CDH12: variants seen among roughly 807,000 people sequenced by gnomAD.
CDH12 encodes cadherin 12, also known as cadherin-12.
In CDH12, 41 loss-of-function variants were observed where a neutral mutation model predicts 74.1. That is an observed-to-expected ratio of 0.55 (90% CI 0.43 to 0.72). CDH12 has a LOEUF of 0.72. CDH12 is among the 30% of genes least tolerant of loss of function. The pLI, the probability that CDH12 is intolerant of heterozygous loss-of-function variation, is 0.00. For missense variants in CDH12, 945 were observed against 977.2 expected (o/e 0.97, Z 0.44); for synonymous variants, 399 against 355.0 (o/e 1.12, Z -1.39).
chr5:22,718,589 G>T (rs1743709325), intron 1 of CDH12, among the ~76,000 whole-genome samples: 1 of 152,118 alleles, frequency 6.6e-6, no homozygotes, highest in Non-Finnish European at 1.5e-5. Context: ...TTTGCCCAGG[G>T]ACATTGCCCA....
Position 22,408,126 on chromosome 5 carries a change from G to A in CDH12, c.-427-2775C>T, listed in dbSNP as rs1743015304. ...CATCAACAGTCATATGGACTAGGTGGACTATCTTTAACAATGAAGCACATT... is the reference window on the plus strand; with the variant it reads ...CATCAACAGTCATATGGACTAGGTGAACTATCTTTAACAATGAAGCACATT... On this transcript the variant is annotated intron_variant, in intron 2 of 14. Coordinates refer to ENST00000382254, the MANE Select transcript of CDH12 (RefSeq NM_004061.5). Among the ~76,000 whole-genome samples, 3 of 151,986 alleles carry A rather than the reference G, an allele frequency of 2.0e-5. No individual in the cohort carries two copies. The South Asian group carries it at 6.2e-4, about 31-fold the overall frequency.
chr5:22,414,670 T>C (rs1743306189), intron 2 of CDH12, among the ~76,000 whole-genome samples: 1 of 151,860 alleles, frequency 6.6e-6, no homozygotes, highest in Non-Finnish European at 1.5e-5. Context: ...GGTAATTTTA[T>C]TGAATTACTG....
chr5:21,879,841 G>C (rs553644735), intron 6 of CDH12, among the ~76,000 whole-genome samples: 1 of 152,304 alleles, frequency 6.6e-6, no homozygotes, highest in East Asian at 1.9e-4. Flanking sequence ...TCGACAGCAA[G>C]AACAAATTCT....
At chr5:21,977,756 G>T (rs1449609429) in intron 5 of CDH12, among the ~76,000 whole-genome samples, 1 of 151,998 alleles carries the variant, frequency 6.6e-6, no homozygotes, top group African/African-American at 2.4e-5. Context: ...ATTTAAAGAT[G>T]GGCTTTGCAG....
chr5:22,595,678 G>T (rs1363612946), intron 1 of CDH12, among the ~76,000 whole-genome samples: 6 of 152,116 alleles, frequency 3.9e-5, no homozygotes, highest in Admixed American at 3.9e-4. Context: ...TGTAGTTATT[G>T]TAACAGTAGT....
chr5:22,215,143 T>G (rs1447838424), intron 3 of CDH12, among the ~76,000 whole-genome samples: 6 of 152,190 alleles, frequency 3.9e-5, no homozygotes. Flanking sequence ...TATTTTATTT[T>G]TTAATTAATT....
intron 1 of CDH12, among the ~76,000 whole-genome samples, chr5:22,700,032 G>A (rs1197066569): frequency 6.6e-6 from 1 of 152,008 alleles, no homozygotes; most frequent in Admixed American, 6.6e-5. Flanking sequence ...TGCATATGTT[G>A]GCGCATGCCT....
At position 21,833,829 on chromosome 5, in the gene CDH12, A is replaced by T. The variant is rs560941696; in HGVS notation, c.814+8332T>A. Reference sequence around the variant, plus strand: ...CCCTCACTGGGGATATGGGATCCCAAGGGATTCTTCAGGCAAATATAATTT... The same window carrying T: ...CCCTCACTGGGGATATGGGATCCCATGGGATTCTTCAGGCAAATATAATTT... On this transcript the variant is annotated intron_variant, in intron 8 of 14. Transcript: ENST00000382254. 1.7e-3 allele frequency among the ~76,000 whole-genome samples: 255 copies of T among 151,916 alleles called. 2 individuals are homozygous for T. The highest frequency in any genetic ancestry group is 5.6e-3 in the African/African-American group (234 of 41,500).
At chr5:22,256,676 G>A (rs1384101483) in intron 3 of CDH12, among the ~76,000 whole-genome samples, 1 of 152,108 alleles carries the variant, frequency 6.6e-6, no homozygotes, top group African/African-American at 2.4e-5. Context: ...ACCTTCCAGT[G>A]GGACAAGATT....
rs191980763 is a variant in CDH12 at position 21,964,502 on chromosome 5, C to T, written c.526+10589G>A. On this transcript the variant is annotated intron_variant, in intron 6 of 14. Coordinates refer to ENST00000382254, the MANE Select transcript of CDH12 (RefSeq NM_004061.5). The stretch of plus-strand genomic sequence containing the variant: ...CTCAGGAAAAACAAATACATGGACC[C>T]ATAAAATAATCTTTGGAAGTCTTTC... Among the ~76,000 whole-genome samples the T allele has an allele frequency of 7.9e-3, 1,198 of 152,022 alleles. 10 individuals carry two copies. The highest frequency in any genetic ancestry group is 0.027 in the African/African-American group (1,118 of 41,500).
At chr5:22,777,674 T>G (rs1747171922) in intron 1 of CDH12, among the ~76,000 whole-genome samples, 1 of 152,042 alleles carries the variant, frequency 6.6e-6, no homozygotes, top group Non-Finnish European at 1.5e-5. Context: ...TTTTCACCCT[T>G]TTTCTGGTGG....
At chr5:22,186,548 G>T (rs1006226545) in intron 4 of CDH12, among the ~76,000 whole-genome samples, 2 of 152,204 alleles carry the variant, frequency 1.3e-5, no homozygotes, top group African/African-American at 4.8e-5. Flanking sequence ...TCAGCTCACT[G>T]CAACCTCTGC....
chr5:22,579,490 T>C (rs191421072), intron 1 of CDH12, among the ~76,000 whole-genome samples: 1 of 152,318 alleles, frequency 6.6e-6, no homozygotes, highest in East Asian at 1.9e-4. Context: ...AAAAATGTTT[T>C]CATTATTATT....
chr5:22,054,675 T>G (rs1266107759), intron 5 of CDH12, among the ~76,000 whole-genome samples: 1 of 152,108 alleles, frequency 6.6e-6, no homozygotes, highest in Non-Finnish European at 1.5e-5. Context: ...GCAGAATAAT[T>G]TTATGGCAGT....
chr5:22,640,583 T>A (rs1327078077), intron 1 of CDH12, among the ~76,000 whole-genome samples: 1 of 152,208 alleles, frequency 6.6e-6, no homozygotes, highest in Non-Finnish European at 1.5e-5. Flanking sequence ...GCTGCTGAAT[T>A]TCCACTGGTC....
intron 1 of CDH12, among the ~76,000 whole-genome samples, chr5:22,763,643 A>C (rs1470526590): frequency 6.6e-6 from 1 of 151,944 alleles, no homozygotes; most frequent in South Asian, 2.1e-4. Context: ...TTTCTAACCT[A>C]TAAAAGTAAG....
chr5:22,364,428 T>A lies in CDH12; in HGVS notation c.-333+40829A>T, dbSNP rs542270598. ...TTTAATTGTGTGTATCTCCTGGAAA[T>A]TAACTTACTTAGTTTATGACAGATT... On this transcript the variant is annotated intron_variant, in intron 3 of 14. Transcript: ENST00000382254. 5.3e-5 allele frequency among the ~76,000 whole-genome samples: 8 copies of A among 152,296 alleles called. 1 individual carries two copies. The South Asian group carries it at 6.2e-4, about 12-fold the overall frequency.
At chr5:22,057,557 G>C (rs555032976) in intron 5 of CDH12, among the ~76,000 whole-genome samples, 18 of 152,276 alleles carry the variant, frequency 1.2e-4, no homozygotes, top group Admixed American at 5.2e-4. Flanking sequence ...CAGACTCGCG[G>C]AAGGGAGTGA....
intron 3 of CDH12, among the ~76,000 whole-genome samples, chr5:22,287,722 CAAAA>C (rs35636015): frequency 5.5e-5 from 7 of 126,862 alleles, no homozygotes; most frequent in Admixed American, 7.8e-5. Context: ...GACTCCGTCT[CAAAA>C]AAAAAAAAAA....
Sources: gnomAD v4.1 joint callset for allele counts (sites outside exome capture counted in the v4.1 genomes callset) on GRCh38, gnomAD v4.1.1 for gene constraint, MANE v1.5 for transcripts, NCBI Gene and HGNC (gene_info 2026-07-23, HGNC 2026-07-21) for gene names.